OSBP: variants seen among roughly 807,000 people sequenced by gnomAD.
OSBP encodes the protein oxysterol-binding protein 1.
Under a neutral mutation model 96.6 loss-of-function variants are expected in OSBP, and 32 were observed. The ratio of observed to expected loss-of-function variants is 0.33; its 90% CI spans 0.25 to 0.45. OSBP has a LOEUF of 0.45. OSBP is among the 20% of genes least tolerant of loss of function. The pLI is 1.00. For missense variants in OSBP, 653 were observed against 1,029.7 expected (o/e 0.63, Z 5.01); for synonymous variants, 369 against 389.6 (o/e 0.95, Z 0.62).
chr11:59,612,379 G>A (rs915758466), intron 1 of OSBP, among the ~76,000 whole-genome samples: 4 of 152,130 alleles, frequency 2.6e-5, no homozygotes. Context: ...TGACAGGCCA[G>A]CTCGCTCATG....
rs1205391819 is a variant in OSBP, at chr11:59,594,197, T to C, written c.1370A>G (p.His457Arg). 10 of 1,614,048 alleles carry C rather than the reference T, an allele frequency of 6.2e-6. No homozygotes were observed. The highest frequency in any genetic ancestry group is 2.2e-5 in the East Asian group (1 of 44,896). ...TTTTGCAGCTCGGTCTAACAGCTCA[T>C]GGTATTCCAGATCTTCAGTAAGGCG... ...LQRLTEDLEY[H>R]ELLDRAAKCE... The change falls in exon 8 of 14, where the codon CAT (histidine) becomes CGT (arginine). Residue 457 changes from histidine (H) to arginine (R), a missense_variant. Coordinates refer to ENST00000263847, the MANE Select transcript of OSBP (RefSeq NM_002556.3).
At chr11:59,592,771 A>G (rs17153962) in intron 9 of OSBP, among the ~76,000 whole-genome samples, 7,075 of 151,948 alleles carry the variant, frequency 0.047, 364 homozygotes, top group Admixed American at 0.13. Context: ...TTGTAATCCA[A>G]TAAGAGTTTT....
intron 9 of OSBP, among the ~76,000 whole-genome samples, chr11:59,582,761 G>A (rs1359539388): frequency 6.6e-6 from 1 of 152,134 alleles, no homozygotes; most frequent in Non-Finnish European, 1.5e-5. Context: ...CTCTGGGTGG[G>A]TAGTGTCAGA....
rs1302094511 is a variant in OSBP, at chr11:59,581,510, A to C, written c.1723T>G (p.Trp575Gly). 6.2e-7 allele frequency: 1 copy of C among 1,613,102 alleles called. No individual in the cohort carries two copies. The highest frequency in any genetic ancestry group is 8.5e-7 in the Non-Finnish European group (1 of 1,179,164). The change falls in exon 10 of 14, where the codon TGG (tryptophan) becomes GGG (glycine). Residue 575 changes from tryptophan (W) to glycine (G), a missense_variant. This residue lies in a region of OSBP where 19 missense variants were observed against 16.1 expected (regional missense o/e 1.18). Coordinates refer to ENST00000263847, the MANE Select transcript of OSBP (RefSeq NM_002556.3). Reference protein sequence around the residue: ...IFHATGHHYTWKKVTTTVHNI... With the variant: ...IFHATGHHYTGKKVTTTVHNI... ...TGTACAGTTGTGGTAACTTTCTTCC[A>C]AGTGTAGTGGTGCCCAGTTGCATGG... is the stretch of plus-strand genomic sequence containing the variant.
In OSBP at chr11:59,576,662, G is replaced by A; in HGVS notation, c.2339C>T (p.Thr780Ile). ...LWFERKKDPVTKELTHIYRGE... is the reference protein window; with the variant it reads ...LWFERKKDPVIKELTHIYRGE... ...CCTATAAATATGGGTTAACTCCTTG[G>A]TAACAGGGTCCTTCTTCCGCTCAAA... Residue 780 changes from threonine to isoleucine, a missense_variant, in exon 14 of 14, where the codon ACC (threonine) becomes ATC (isoleucine). This residue lies in a region of OSBP where 169 missense variants were observed against 251.5 expected (regional missense o/e 0.67). Coordinates refer to ENST00000263847, the MANE Select transcript of OSBP (RefSeq NM_002556.3). 6.2e-7 allele frequency: 1 copy of A among 1,614,044 alleles called. No individual in the cohort carries two copies. The highest frequency in any genetic ancestry group is 8.5e-7 in the Non-Finnish European group (1 of 1,180,010).
At chr11:59,597,817 T>C (rs1489986823) in intron 7 of OSBP, among the ~76,000 whole-genome samples, 1 of 152,208 alleles carries the variant, frequency 6.6e-6, no homozygotes. Context: ...GCCATTCTCA[T>C]GCCTCAGCAT....
chr11:59,597,307 A>G (rs1418797322), intron 7 of OSBP, among the ~76,000 whole-genome samples: 1 of 151,832 alleles, frequency 6.6e-6, no homozygotes, highest in Non-Finnish European at 1.5e-5. Context: ...AGCCTCCCAA[A>G]GTGCTGGGAT....
intron 9 of OSBP, 139 bp downstream of exon 9, chr11:59,593,465 C>T (rs970889384): frequency 3.1e-5 from 27 of 879,960 alleles, no homozygotes; most frequent in Non-Finnish European, 4.3e-5. Flanking sequence ...AGTTAAATAC[C>T]TGCCCAAAGC....
chr11:59,597,545 A>C (rs1860674116), intron 7 of OSBP, among the ~76,000 whole-genome samples: 2 of 134,964 alleles, frequency 1.5e-5, no homozygotes, highest in Admixed American at 1.6e-4. Flanking sequence ...CTGAAGGTCA[A>C]CCTTTTTTTC....
chr11:59,580,131 G>A, intron 11 of OSBP, 43 bp downstream of exon 11: 2 of 1,284,510 alleles, frequency 1.6e-6, no homozygotes, highest in Admixed American at 1.7e-5. Context: ...CTTTCTAAGA[G>A]ATACATGCTA....
intron 3 of OSBP, among the ~76,000 whole-genome samples, chr11:59,602,222 A>T (rs186767412): frequency 3.7e-4 from 57 of 152,314 alleles, no homozygotes; most frequent in Non-Finnish European, 6.3e-4. Context: ...GCTTTCAACA[A>T]ATTCTTGACT....
intron 7 of OSBP, among the ~76,000 whole-genome samples, chr11:59,596,614 A>T (rs979868773): frequency 1.3e-5 from 2 of 151,928 alleles, no homozygotes; most frequent in South Asian, 4.1e-4. Flanking sequence ...CCCAGAGATT[A>T]GCAGCAACAG....
Position 59,600,497 on chromosome 11 carries a change from G to A in OSBP, c.1310C>T (p.Pro437Leu), listed in dbSNP as rs1215214989. ...IGKELSKIPMPVNFNEPLSML... is the reference protein window; with the variant it reads ...IGKELSKIPMLVNFNEPLSML... ...AGCTCCAGTGTGCAAGAACCTTACC[G>A]GCATGGGGATCTTAGAGAGTTCTTT... is the stretch of plus-strand genomic sequence containing the variant. The change falls in exon 7 of 14, where the codon CCG (proline) becomes CTG (leucine). Residue 437 changes from proline (P) to leucine (L), a missense_variant and splice_region_variant. Physicochemically the swap from Pro to Leu is moderately conservative, Grantham distance 98. Coordinates refer to ENST00000263847, the MANE Select transcript of OSBP (RefSeq NM_002556.3). 6.2e-7 allele frequency: 1 copy of A among 1,613,618 alleles called. No homozygotes were observed. Among genetic ancestry groups the A allele is most frequent in the Non-Finnish European group, 8.5e-7 (1 of 1,179,888 alleles).
intron 9 of OSBP, among the ~76,000 whole-genome samples, chr11:59,583,640 T>TG: frequency 7.5e-6 from 1 of 134,038 alleles, no homozygotes; most frequent in Admixed American, 7.6e-5. Flanking sequence ...CTCTGTTTTT[T>TG]TTTTTTTTTT....
chr11:59,610,525 C>T lies in OSBP; in HGVS notation c.427G>A (p.Val143Met), dbSNP rs1226924510. ...ATGATGAAGTTGCAGGAGTCCTCCA[C>T]GGTGATGTTGGCTGTGGCGAGGTTG... ...TINLATANIT[V>M]EDSCNFIISN... Residue 143 changes from valine to methionine, a missense_variant, in exon 2 of 14, where the codon GTG becomes ATG. Val to Met is a conservative substitution (Grantham distance 21, BLOSUM62 1). Coordinates refer to ENST00000263847, the MANE Select transcript of OSBP (RefSeq NM_002556.3). The T allele has an allele frequency of 1.9e-6, 3 of 1,614,140 alleles. No homozygotes were observed. Among genetic ancestry groups the T allele is most frequent in the South Asian group, 1.1e-5 (1 of 91,086 alleles).
Position 59,576,421 on chromosome 11 carries a change from T to C in OSBP, c.*156A>G, listed in dbSNP as rs1042963102. The C allele has an allele frequency of 3.4e-5, 27 of 788,368 alleles. No homozygotes were observed. In the South Asian group the frequency reaches 3.9e-4, roughly 11 times the overall value. 48.8% of individuals were successfully genotyped at this position (788,368 alleles called of 1,614,324 possible). A position where few individuals can be genotyped will look rare whatever the true frequency, so the allele number is the denominator to read the frequency against. On this transcript the variant is annotated 3_prime_UTR_variant, in exon 14 of 14. Coordinates refer to ENST00000263847, the MANE Select transcript of OSBP (RefSeq NM_002556.3). ...AAGGCAACCAGCCAATCACCACCAC[T>C]GGTGTCTCCTTCTGGTGATTGATTT... is the stretch of plus-strand genomic sequence containing the variant.
chr11:59,595,944 AAAATAAAT>A (rs139081696), intron 7 of OSBP, among the ~76,000 whole-genome samples: 22,273 of 138,390 alleles, frequency 0.16, 1,848 homozygotes, highest in Non-Finnish European at 0.17. Flanking sequence ...ACTCTGTCTA[AAAATAAAT>A]AAATAAATAA....
chr11:59,593,582 C>T (rs769511930), intron 9 of OSBP, 22 bp downstream of exon 9: 4 of 1,613,530 alleles, frequency 2.5e-6, no homozygotes, highest in Non-Finnish European at 8.5e-7. Context: ...AGCATTAATT[C>T]TGACAAAGAT....
chr11:59,585,204 C>T (rs375577386), intron 9 of OSBP, among the ~76,000 whole-genome samples: 6 of 151,944 alleles, frequency 3.9e-5, no homozygotes, highest in East Asian at 2.0e-4. Context: ...CGCCTCTTCC[C>T]GGCCGCCATC....
Sources: gnomAD v4.1 joint callset for allele counts (sites outside exome capture counted in the v4.1 genomes callset) on GRCh38, gnomAD v4.1.1 for gene constraint, gnomAD v4.1.1 regional missense constraint, MANE v1.5 for transcripts, NCBI Gene and HGNC (gene_info 2026-07-23, HGNC 2026-07-21) for gene names.